USP31: variants seen among roughly 807,000 people sequenced by gnomAD.
USP31 encodes the protein ubiquitin specific peptidase 31.
A neutral mutation model predicts 119.4 loss-of-function variants in USP31; 44 were observed. The ratio of observed to expected loss-of-function variants is 0.37; its 90% CI spans 0.29 to 0.47. USP31 has a LOEUF of 0.47. Ranked by LOEUF, USP31 falls within the 20% of genes least tolerant of loss-of-function variation. USP31 has a pLI of 0.99. For missense variants in USP31, 1,643 were observed against 1,730.2 expected, an observed-to-expected ratio of 0.95 and a Z score of 0.89; for synonymous variants, 749 against 705.6, an observed-to-expected ratio of 1.06 and a Z score of -0.97.
intron 1 of USP31, among the ~76,000 whole-genome samples, chr16:23,112,539 C>T (rs1024298375): frequency 1.3e-5 from 2 of 151,910 alleles, no homozygotes; most frequent in Non-Finnish European, 2.9e-5. Flanking sequence ...CGCGCCATTG[C>T]ACTCCAGCTT....
Position 23,064,099 on chromosome 16 carries a change from T to C in USP31, c.*3947A>G, listed in dbSNP as rs1401895811. 2.0e-5 allele frequency: 3 copies of C among 152,638 alleles called. No individual in the cohort carries two copies. Among genetic ancestry groups the C allele is most frequent in the African/African-American group, 7.2e-5 (3 of 41,458 alleles). 9.5% of individuals were successfully genotyped at this position (152,638 alleles called of 1,614,324 possible). On this transcript the variant is annotated 3_prime_UTR_variant, in exon 16 of 16. Transcript: ENST00000219689. ...GTTTGCCTTTCTCAACTACAAATAA[T>C]ACAAAGTTCCACGCACCTCCAGAAT...
At chr16:23,086,316 A>G (rs1596696234) in intron 9 of USP31, among the ~76,000 whole-genome samples, 1 of 152,288 alleles carries the variant, frequency 6.6e-6, no homozygotes, top group East Asian at 1.9e-4. Context: ...AGGCACTACA[A>G]TATTTGTTGA....
intron 6 of USP31, among the ~76,000 whole-genome samples, chr16:23,101,454 A>G (rs1009752788): frequency 3.9e-5 from 6 of 152,158 alleles, no homozygotes; most frequent in African/African-American, 1.4e-4. Context: ...ACTGGAATCA[A>G]AAGAAAAGTG....
At chr16:23,115,699 C>CATA (rs1284778512) in intron 1 of USP31, 45 of 827,018 alleles carry the variant, frequency 5.4e-5, no homozygotes, top group Non-Finnish European at 6.6e-5. Context: ...TCCTATTATC[C>CATA]CCTCACTTGG....
intron 1 of USP31, among the ~76,000 whole-genome samples, chr16:23,136,482 G>A (rs909538141): frequency 7.9e-5 from 12 of 151,816 alleles, no homozygotes; most frequent in Middle Eastern, 3.4e-3. Flanking sequence ...GTGAAACCCC[G>A]TCTCTACTAA....
chr16:23,110,509 A>T (rs2141878450), intron 1 of USP31, among the ~76,000 whole-genome samples: 1 of 152,326 alleles, frequency 6.6e-6, no homozygotes, highest in African/African-American at 2.4e-5. Flanking sequence ...TCAAACAGTA[A>T]ACAGATTAGG....
chr16:23,117,394 T>C (rs1354689227), intron 1 of USP31, among the ~76,000 whole-genome samples: 1 of 152,220 alleles, frequency 6.6e-6, no homozygotes, highest in Admixed American at 6.5e-5. Context: ...ACTAGTAAAG[T>C]ATGCATTCCT....
intron 5 of USP31, among the ~76,000 whole-genome samples, chr16:23,104,933 C>G (rs1182934735): frequency 6.6e-6 from 1 of 152,230 alleles, no homozygotes; most frequent in African/African-American, 2.4e-5. Flanking sequence ...ACTTTCCTTT[C>G]TCTTCTCTAA....
At chr16:23,126,637 A>G (rs575648360) in intron 1 of USP31, among the ~76,000 whole-genome samples, 9 of 151,768 alleles carry the variant, frequency 5.9e-5, no homozygotes, top group Admixed American at 3.3e-4. Flanking sequence ...AAAAAAAAAA[A>G]AAAGAAATAA....
At position 23,129,780 on chromosome 16, in the gene USP31, G is replaced by T. The variant is rs182639137; in HGVS notation, c.633+18858C>A. Among the ~76,000 whole-genome samples the T allele has an allele frequency of 5.3e-5, 8 of 152,268 alleles. No homozygotes were observed. In the East Asian group the frequency reaches 1.4e-3, roughly 26 times the overall value. The stretch of plus-strand genomic sequence containing the variant: ...TGTAAAATGTTATCTGCTTTCAAAG[G>T]AGGAAGCCATAACGTCCAACTACAG... On this transcript the variant is annotated intron_variant, in intron 1 of 15. Coordinates refer to ENST00000219689, the MANE Select transcript of USP31 (RefSeq NM_020718.4).
Position 23,069,519 on chromosome 16 carries a change from G to A in USP31, c.2586C>T (p.Cys862=). 1 of 1,614,200 alleles carries A rather than the reference G, an allele frequency of 6.2e-7. No individual in the cohort carries two copies. The highest frequency in any genetic ancestry group is 8.5e-7 in the Non-Finnish European group (1 of 1,180,018). Residue 862 remains cysteine, a synonymous_variant, in exon 16 of 16, where the codon TGC becomes TGT. Transcript: ENST00000219689. ...CAGACAGGGACCATGAAGGTCTCAT[G>A]CAATTTTCATTGACGGCCAAGGGGC... ...VTSPLAVNEN[C]MRPSWSLSAK... is the part of the protein sequence containing the mutation.
intron 1 of USP31, among the ~76,000 whole-genome samples, chr16:23,131,190 G>A (rs767209964): frequency 7.2e-5 from 11 of 152,160 alleles, no homozygotes; most frequent in Non-Finnish European, 1.5e-4. Flanking sequence ...TGCAGTTCTA[G>A]CTATTCGGGA....
chr16:23,106,971 C>T (rs1902134743), intron 2 of USP31, among the ~76,000 whole-genome samples: 1 of 151,854 alleles, frequency 6.6e-6, no homozygotes, highest in Admixed American at 6.6e-5. Flanking sequence ...AATTAGCCGG[C>T]TGTGGTGGCG....
intron 1 of USP31, among the ~76,000 whole-genome samples, chr16:23,114,452 G>GGA (rs1567240894): frequency 1.1e-5 from 1 of 89,998 alleles, no homozygotes; most frequent in Non-Finnish European, 2.4e-5. Context: ...GAAAAAATAG[G>GGA]AAAAAAAAAA....
intron 1 of USP31, 100 bp downstream of exon 1, chr16:23,148,538 A>G: frequency 7.3e-7 from 1 of 1,367,700 alleles, no homozygotes; most frequent in Non-Finnish European, 9.4e-7. Flanking sequence ...CCAATGCAGA[A>G]GCCTGCCGGG....
chr16:23,102,320 T>C lies in USP31; in HGVS notation c.1233A>G (p.Arg411=). The C allele has an allele frequency of 1.9e-6, 3 of 1,613,590 alleles. No individual in the cohort carries two copies. The highest frequency in any genetic ancestry group is 2.5e-6 in the Non-Finnish European group (3 of 1,179,814). ...IFRPEGILSQ[R]GIHLNNNLNH... is the part of the protein sequence containing the mutation. ...TTATGGAAACAGGAGCTCCCTTACC[T>C]CTTTGACTGAGAATTCCTTCAGGCC... The change falls in exon 6 of 16, where the codon AGA becomes AGG. Residue 411 remains arginine (R), a splice_region_variant and synonymous_variant. Transcript: ENST00000219689.
intron 1 of USP31, among the ~76,000 whole-genome samples, chr16:23,125,065 C>T (rs1434763551): frequency 6.6e-6 from 1 of 152,196 alleles, no homozygotes; most frequent in African/African-American, 2.4e-5. Flanking sequence ...CTCCTACCAG[C>T]ATCCCTTTCT....
chr16:23,127,945 G>C (rs576690964), intron 1 of USP31, among the ~76,000 whole-genome samples: 1 of 152,186 alleles, frequency 6.6e-6, no homozygotes, highest in East Asian at 1.9e-4. Flanking sequence ...TACTAACATT[G>C]TTGGTGGCAG....
chr16:23,087,205 G>A lies in USP31; in HGVS notation c.1528-19C>T, dbSNP rs200142376. ...GACACACCTGCATCAGATGTTAGAT[G>A]AGAATTAAGCCAAATTTTTCTTCAA... On this transcript the variant is annotated intron_variant, in intron 8 of 15. Coordinates refer to ENST00000219689, the MANE Select transcript of USP31 (RefSeq NM_020718.4). The A allele has an allele frequency of 5.0e-3, 7,984 of 1,605,266 alleles. 56 individuals carry two copies. The highest frequency in any genetic ancestry group is 0.011 in the Middle Eastern group (68 of 6,022).
Sources: allele counts gnomAD v4.1 joint callset (sites outside exome capture counted in the v4.1 genomes callset), GRCh38; gene constraint gnomAD v4.1.1; transcripts MANE v1.5; gene names NCBI Gene and HGNC (gene_info 2026-07-23, HGNC 2026-07-21).